The following NID1 variants were observed in gnomAD, a reference collection of about 807,000 sequenced individuals.
The protein encoded by NID1 is nidogen 1, also known as nidogen-1.
A neutral mutation model predicts 130.6 loss-of-function variants in NID1; 76 were observed. That is an observed-to-expected ratio of 0.58 (90% CI 0.48 to 0.70). The LOEUF (loss-of-function observed/expected upper bound fraction) is 0.70, where lower values mean the gene tolerates loss of function less well. NID1 is among the 30% of genes least tolerant of loss of function. The probability of loss-of-function intolerance (pLI) is 0.00; values close to 1 mark genes in which losing one functional copy is unlikely to be tolerated. For missense variants in NID1, 1,517 were observed against 1,664.8 expected (o/e 0.91, Z 1.54); for synonymous variants, 665 against 675.1 (o/e 0.98, Z 0.23).
At chr1:236,028,171 C>G (rs1479071475) in intron 7 of NID1, among the ~76,000 whole-genome samples, 4 of 152,134 alleles carry the variant, frequency 2.6e-5, no homozygotes, top group Non-Finnish European at 5.9e-5. Flanking sequence ...TAATAGCCAT[C>G]CAGTAGAATC....
At chr1:236,015,451 A>C (rs978711755) in intron 10 of NID1, among the ~76,000 whole-genome samples, 1 of 152,104 alleles carries the variant, frequency 6.6e-6, no homozygotes, top group African/African-American at 2.4e-5. Context: ...GTTCAAGACC[A>C]GCCTGGCCAA....
chr1:236,026,221 G>A (rs1658926449), intron 7 of NID1, 80 bp from the exon 8 acceptor site: 4 of 1,555,718 alleles, frequency 2.6e-6, no homozygotes, highest in Non-Finnish European at 3.5e-6. Flanking sequence ...CTGAATCAAC[G>A]GCTTTCAAGG....
intron 3 of NID1, among the ~76,000 whole-genome samples, chr1:236,042,934 G>A (rs1383561481): frequency 6.6e-6 from 1 of 152,186 alleles, no homozygotes; most frequent in African/African-American, 2.4e-5. Context: ...GAGGGGAGAT[G>A]GGCTGGAGAT....
chr1:236,053,602 C>A (rs555167234), intron 1 of NID1, among the ~76,000 whole-genome samples: 2 of 152,166 alleles, frequency 1.3e-5, no homozygotes, highest in Non-Finnish European at 2.9e-5. Context: ...CTCACACCCC[C>A]AGCCCCTGAT....
chr1:236,002,821 A>T (rs1343868957), intron 12 of NID1, among the ~76,000 whole-genome samples: 1 of 152,170 alleles, frequency 6.6e-6, no homozygotes, highest in African/African-American at 2.4e-5. Context: ...TGGCGGTCAG[A>T]CGTGGCCACA....
intron 1 of NID1, among the ~76,000 whole-genome samples, chr1:236,057,336 C>T (rs543704653): frequency 6.6e-6 from 1 of 152,082 alleles, no homozygotes; most frequent in African/African-American, 2.4e-5. Context: ...GAGAAATGTG[C>T]CAGAAAAAAA....
At chr1:236,007,731 C>T (rs1658290341) in intron 12 of NID1, among the ~76,000 whole-genome samples, 1 of 152,136 alleles carries the variant, frequency 6.6e-6, no homozygotes, top group Non-Finnish European at 1.5e-5. Context: ...TCCTTCTTTG[C>T]CATCACAGAA....
chr1:235,997,721 CT>C (rs1037066825), intron 12 of NID1, among the ~76,000 whole-genome samples: 2 of 151,476 alleles, frequency 1.3e-5, no homozygotes, highest in African/African-American at 4.9e-5. Flanking sequence ...GTTCTCCTGT[CT>C]CAGCCTCCTG....
intron 14 of NID1, among the ~76,000 whole-genome samples, chr1:235,987,222 G>A (rs1285587564): frequency 6.6e-6 from 1 of 152,156 alleles, no homozygotes; most frequent in Non-Finnish European, 1.5e-5. Flanking sequence ...CATTATGTAT[G>A]ACGAACTATG....
At chr1:236,044,127 T>C (rs924739557) in intron 3 of NID1, among the ~76,000 whole-genome samples, 1 of 152,094 alleles carries the variant, frequency 6.6e-6, no homozygotes, top group Non-Finnish European at 1.5e-5. Context: ...GTGGGGATGA[T>C]AAATCACAAA....
rs190516731 is a variant in NID1, at chr1:236,015,183, C to T, written c.2255-1623G>A. On this transcript the variant is annotated intron_variant, in intron 10 of 19. Coordinates refer to ENST00000264187, the MANE Select transcript of NID1 (RefSeq NM_002508.3). ...CCCAGTGCAGGCTTCCGACCTAGAA[C>T]ACTGTTTCAACAAGGAATTCCAAGA... 7.5e-4 allele frequency among the ~76,000 whole-genome samples: 114 copies of T among 152,290 alleles called. 1 individual carries two copies. The highest frequency in any genetic ancestry group is 2.7e-3 in the East Asian group (14 of 5,182).
chr1:235,983,067 G>T (rs1338056214), intron 15 of NID1, among the ~76,000 whole-genome samples: 1 of 152,170 alleles, frequency 6.6e-6, no homozygotes, highest in Non-Finnish European at 1.5e-5. Flanking sequence ...TAGAGACAGG[G>T]TTTCACCATG....
chr1:236,052,915 G>T (rs1659803330), intron 1 of NID1, among the ~76,000 whole-genome samples: 1 of 152,176 alleles, frequency 6.6e-6, no homozygotes, highest in African/African-American at 2.4e-5. Context: ...ATGAATGAAT[G>T]AATGAATACA....
Position 236,020,053 on chromosome 1 carries a change from A to G in NID1, c.2129-2780T>C, listed in dbSNP as rs952916902. Among the ~76,000 whole-genome samples the G allele has an allele frequency of 3.4e-4, 47 of 137,834 alleles. 1 individual carries two copies. Among genetic ancestry groups the G allele is most frequent in the African/African-American group, 1.3e-3 (47 of 37,414 alleles). The allele number at this position is 137,834 out of a possible 152,430, so 90.4% of individuals were successfully genotyped here. On this transcript the variant is annotated intron_variant, in intron 9 of 19. Transcript: ENST00000264187. ...CTCTGCCTTAAAAAAAAAAAAAAAA[A>G]AAAAACAAAAACAAACTTCTTTTCT... is the stretch of plus-strand genomic sequence containing the variant.
In NID1 at chr1:235,979,220, A is replaced by G. The variant is rs1387835737; in HGVS notation, c.3510-113T>C. On this transcript the variant is annotated intron_variant, in intron 18 of 19. Transcript: ENST00000264187. The surrounding 1 kb of genome is among the most constrained non-coding windows in gnomAD (Gnocchi z 4.6). ...GATAAACTGGAGGCCATAAACAGACATGATGGCCTTCTTCCTAGACATCCC... is the reference window on the plus strand; with the variant it reads ...GATAAACTGGAGGCCATAAACAGACGTGATGGCCTTCTTCCTAGACATCCC... The G allele has an allele frequency of 5.8e-6, 4 of 688,386 alleles. No homozygotes were observed. The Admixed American group carries it at 9.4e-5, about 16-fold the overall frequency. The allele number at this position is 688,386 out of a possible 1,614,324, so 42.6% of individuals were successfully genotyped here. A position where few individuals can be genotyped will look rare whatever the true frequency, so the allele number is the denominator to read the frequency against.
At chr1:236,001,341 G>A (rs1478921789) in intron 12 of NID1, among the ~76,000 whole-genome samples, 6 of 152,046 alleles carry the variant, frequency 3.9e-5, no homozygotes, top group Middle Eastern at 3.4e-3. Flanking sequence ...TCCTGACCTC[G>A]TGATTCACCC....
chr1:235,978,276 G>A (rs776602888), intron 19 of NID1, among the ~76,000 whole-genome samples: 1 of 152,194 alleles, frequency 6.6e-6, no homozygotes, highest in Non-Finnish European at 1.5e-5. Context: ...CTCCAGCTCT[G>A]ATTATAACAT....
chr1:235,982,896 CAG>C (rs1445257050), intron 15 of NID1, among the ~76,000 whole-genome samples: 1 of 152,032 alleles, frequency 6.6e-6, no homozygotes, highest in Non-Finnish European at 1.5e-5. Context: ...TTGTTTTTGA[CAG>C]AGTCTCATTC....
chr1:236,027,993 T>C (rs28661164), intron 7 of NID1, among the ~76,000 whole-genome samples: 1 of 151,998 alleles, frequency 6.6e-6, no homozygotes, highest in Non-Finnish European at 1.5e-5. Context: ...ATTAAAAAAA[T>C]AAAAAATTCC....
Sources: gnomAD v4.1 joint callset for allele counts (sites outside exome capture counted in the v4.1 genomes callset) on GRCh38, gnomAD v4.1.1 for gene constraint, Gnocchi (gnomAD v3.1) non-coding constraint, MANE v1.5 for transcripts, NCBI Gene and HGNC (gene_info 2026-07-23, HGNC 2026-07-21) for gene names.